DAB1: variants seen among roughly 807,000 people sequenced by gnomAD.
DAB1 encodes disabled homolog 1.
Under a neutral mutation model 64.6 loss-of-function variants are expected in DAB1, and 15 were observed. That is an observed-to-expected ratio of 0.23 (90% CI 0.16 to 0.36). The LOEUF (loss-of-function observed/expected upper bound fraction) is 0.36. Among genes scored for constraint, DAB1 ranks in the 10% least tolerant of loss-of-function variants. DAB1 has a pLI of 1.00. For synonymous variants in DAB1, 235 were observed against 251.9 expected, an observed-to-expected ratio of 0.93 and a Z score of 0.64; for missense variants, 596 against 706.7, an observed-to-expected ratio of 0.84 and a Z score of 1.78.
intron 4 of DAB1, among the ~76,000 whole-genome samples, chr1:58,317,612 C>G (rs780524542): frequency 6.6e-6 from 1 of 152,296 alleles, no homozygotes; most frequent in East Asian, 1.9e-4. Context: ...CAGATGCAAC[C>G]CGAAGGAACT....
At chr1:57,199,111 C>T (rs950499722) in intron 2 of DAB1, among the ~76,000 whole-genome samples, 11 of 152,298 alleles carry the variant, frequency 7.2e-5, no homozygotes, top group South Asian at 2.1e-4. Flanking sequence ...AAAAGACTCA[C>T]GTCACAGCAT....
At chr1:57,597,061 T>A (rs1226459686) in intron 7 of DAB1, among the ~76,000 whole-genome samples, 1 of 152,166 alleles carries the variant, frequency 6.6e-6, no homozygotes, top group Non-Finnish European at 1.5e-5. Flanking sequence ...CCTTTGAAAT[T>A]CACATCATTC....
chr1:57,030,447 G>A (rs1321121542), intron 9 of DAB1, among the ~76,000 whole-genome samples: 4 of 152,324 alleles, frequency 2.6e-5, no homozygotes, highest in African/African-American at 9.6e-5. Context: ...TGACCAAAAA[G>A]AGGAGACCAT....
intron 9 of DAB1, among the ~76,000 whole-genome samples, chr1:57,044,205 C>T (rs949420804): frequency 6.6e-6 from 1 of 152,248 alleles, no homozygotes; most frequent in African/African-American, 2.4e-5. Context: ...GTTTCAAGCA[C>T]TCACTGCTCT....
chr1:57,452,166 CTTTTTTTTTTT>C (rs78592207), intron 7 of DAB1, among the ~76,000 whole-genome samples: 2 of 75,016 alleles, frequency 2.7e-5, no homozygotes, highest in Non-Finnish European at 4.6e-5. Context: ...TGCACCCCCC[CTTTTTTTTTTT>C]TTTTTTTTTT....
At chr1:57,056,324 C>G (rs1649748934) in intron 9 of DAB1, among the ~76,000 whole-genome samples, 1 of 143,752 alleles carries the variant, frequency 7.0e-6, no homozygotes, top group Admixed American at 6.9e-5. Context: ...CATAGCAAGT[C>G]CTCATCTTTA....
intron 4 of DAB1, among the ~76,000 whole-genome samples, chr1:58,240,520 T>C (rs1188927057): frequency 6.6e-6 from 1 of 152,252 alleles, no homozygotes; most frequent in Non-Finnish European, 1.5e-5. Flanking sequence ...ATTTGTACCA[T>C]TGTAAATGCA....
chr1:57,695,369 A>AAAGAAAGGAAGGAAAG (rs1646822650), intron 6 of DAB1, among the ~76,000 whole-genome samples: 3 of 48,678 alleles, frequency 6.2e-5, no homozygotes, highest in African/African-American at 3.6e-4. Context: ...AAGAAGAAAG[A>AAAGAAAGGAAGGAAAG]AAGAAAGAAA....
intron 11 of DAB1, among the ~76,000 whole-genome samples, chr1:57,016,101 T>C (rs545318833): frequency 6.6e-6 from 1 of 152,194 alleles, no homozygotes; most frequent in Non-Finnish European, 1.5e-5. Flanking sequence ...ATTTAATATG[T>C]GGAGTATTGT....
intron 6 of DAB1, among the ~76,000 whole-genome samples, chr1:57,780,972 C>T (rs1650040347): frequency 6.6e-6 from 1 of 151,518 alleles, no homozygotes; most frequent in South Asian, 2.1e-4. Flanking sequence ...AGGTGATCTA[C>T]CTGCCTTGGC....
At chr1:58,374,886 G>A in intron 3 of DAB1, among the ~76,000 whole-genome samples, 1 of 136,828 alleles carries the variant, frequency 7.3e-6, no homozygotes, top group Admixed American at 7.3e-5. Context: ...TCCTTGAAGA[G>A]GTCCTTCACA....
At chr1:58,067,830 T>C (rs951808743) in intron 5 of DAB1, among the ~76,000 whole-genome samples, 29 of 152,222 alleles carry the variant, frequency 1.9e-4, no homozygotes, top group Non-Finnish European at 3.2e-4. Context: ...TCCATACACA[T>C]GCAGCTGTTG....
chr1:57,955,969 G>A (rs779203601), intron 5 of DAB1, among the ~76,000 whole-genome samples: 1 of 152,146 alleles, frequency 6.6e-6, no homozygotes, highest in Non-Finnish European at 1.5e-5. Flanking sequence ...GTTGGTCATT[G>A]TCTAATCTAG....
chr1:57,303,301 T>A (rs1166822036), intron 1 of DAB1, among the ~76,000 whole-genome samples: 1 of 152,184 alleles, frequency 6.6e-6, no homozygotes, highest in South Asian at 2.1e-4. Context: ...GTGAACATGT[T>A]GTCCGTCACA....
At chr1:57,769,810 T>C (rs1649478702) in intron 6 of DAB1, among the ~76,000 whole-genome samples, 1 of 152,156 alleles carries the variant, frequency 6.6e-6, no homozygotes, top group Non-Finnish European at 1.5e-5. Flanking sequence ...GCTTCCTTGT[T>C]CATGTGGAAA....
intron 5 of DAB1, among the ~76,000 whole-genome samples, chr1:57,912,814 G>T (rs1000883160): frequency 2.0e-5 from 3 of 152,132 alleles, no homozygotes; most frequent in African/African-American, 7.2e-5. Context: ...CAAACAGAGA[G>T]CCAACTCATG....
Position 58,527,177 on chromosome 1 carries a change from T to TA in DAB1, n.107+83dup, listed in dbSNP as rs1309803143. The TA allele has an allele frequency of 3.8e-6, 3 of 794,160 alleles. No individual in the cohort carries two copies. In the South Asian group the frequency reaches 4.1e-5, roughly 11 times the overall value. 49.2% of individuals were successfully genotyped at this position (794,160 alleles called of 1,614,324 possible). A position where few individuals can be genotyped will look rare whatever the true frequency, so the allele number is the denominator to read the frequency against. ...TACAGTCCAACTCTCATTCTCTGCT[T>TA]ATGCCAAGCCTCATTAAAATAACAC... On this transcript the variant is annotated intron_variant and non_coding_transcript_variant, in intron 2 of 20. Transcript: ENST00000485760.
intron 7 of DAB1, among the ~76,000 whole-genome samples, chr1:57,565,906 C>T (rs940672800): frequency 8.5e-5 from 13 of 152,218 alleles, no homozygotes; most frequent in Admixed American, 7.2e-4. Context: ...GAATGGAGCT[C>T]AGCTCTGCAC....
At chr1:57,754,858 C>G (rs923048227) in intron 6 of DAB1, among the ~76,000 whole-genome samples, 1 of 152,138 alleles carries the variant, frequency 6.6e-6, no homozygotes. Context: ...TGAGCTCCAG[C>G]CTACAATATC....
Sources: allele counts gnomAD v4.1 joint callset (sites outside exome capture counted in the v4.1 genomes callset), GRCh38; gene constraint gnomAD v4.1.1; transcripts MANE v1.5; gene names NCBI Gene and HGNC (gene_info 2026-07-23, HGNC 2026-07-21).